The following TRPV6 variants were observed in gnomAD, a reference collection of about 807,000 sequenced individuals.
TRPV6 encodes Alu-binding protein with zinc finger domain.
In TRPV6, 39 loss-of-function variants were observed where a neutral mutation model predicts 79.0. That is an observed-to-expected ratio of 0.49 (90% CI 0.38 to 0.64). The LOEUF (loss-of-function observed/expected upper bound fraction) is 0.64, where lower values mean the gene tolerates loss of function less well. TRPV6 is among the 30% of genes least tolerant of loss of function. The pLI, the probability that TRPV6 is intolerant of heterozygous loss-of-function variation, is 0.00. For synonymous variants in TRPV6, 373 were observed against 391.9 expected (o/e 0.95, Z 0.57); for missense variants, 813 against 1,011.1 (o/e 0.80, Z 2.66).
chr7:142,871,664 G>A lies in TRPV6; in HGVS notation c.*43C>T. ...TTTTTGTTTTGTTTGATGCACCCAG[G>A]AAAATGAGAGCAAGTTCCAGGAAGC... On this transcript the variant is annotated 3_prime_UTR_variant, in exon 15 of 15. Transcript: ENST00000359396. 1 of 1,544,990 alleles carries A rather than the reference G, an allele frequency of 6.5e-7. No individual in the cohort carries two copies. The highest frequency in any genetic ancestry group is 8.7e-7 in the Non-Finnish European group (1 of 1,143,626).
intron 1 of TRPV6, 63 bp from the exon 2 acceptor site, chr7:142,878,089 CCCTGGCTTGACTCCATTATTAT>C (rs1184565672): frequency 2.1e-5 from 29 of 1,413,500 alleles, no homozygotes; most frequent in Admixed American, 3.4e-5. Flanking sequence ...GAGGGAGAGG[CCCTGGCTTGACTCCATTATTAT>C]ACACAGATGT....
intron 14 of TRPV6, among the ~76,000 whole-genome samples, 153 bp downstream of exon 14, chr7:142,872,219 G>T (rs527832950): frequency 5.9e-5 from 9 of 152,174 alleles, no homozygotes; most frequent in Non-Finnish European, 1.2e-4. Flanking sequence ...AGCTCCAAAC[G>T]GGACCCCTTC....
In TRPV6 at chr7:142,877,274, T is replaced by C; in HGVS notation, c.475A>G (p.Thr159Ala). ...TTCACAACAGCGATGTGCAGTGCAG[T>C]CTGACCTGGCCCAGAGACAGCTGTC... Residue 159 changes from threonine (T) to alanine (A), a missense_variant, in exon 4 of 15, where the codon ACT becomes GCT. Coordinates refer to ENST00000359396, the MANE Select transcript of TRPV6 (RefSeq NM_018646.6). The C allele has an allele frequency of 6.2e-7, 1 of 1,613,926 alleles. No individual in the cohort carries two copies. The highest frequency in any genetic ancestry group is 2.2e-5 in the East Asian group (1 of 44,848).
chr7:142,871,639 TTTTTG>T lies in TRPV6; in HGVS notation c.*63_*67del. 1.3e-6 allele frequency: 2 copies of T among 1,526,390 alleles called. No individual in the cohort carries two copies. Among genetic ancestry groups the T allele is most frequent in the Admixed American group, 2.0e-5 (1 of 48,794 alleles). The allele number at this position is 1,526,390 out of a possible 1,614,324, so 94.6% of individuals were successfully genotyped here. A position where few individuals can be genotyped will look rare whatever the true frequency, so the allele number is the denominator to read the frequency against. On this transcript the variant is annotated 3_prime_UTR_variant, in exon 15 of 15. Transcript: ENST00000359396. ...GGAGATGAGACCTCTGGGTGTTTGGTTTTTGTTTTGTTTGATGCACCCAGGAAAAT... is the reference window on the plus strand; with the variant it reads ...GGAGATGAGACCTCTGGGTGTTTGGTTTTTGTTTGATGCACCCAGGAAAAT...
At chr7:142,884,636 G>A (rs1209274666) in intron 1 of TRPV6, 1 of 152,236 alleles carries the variant, frequency 6.6e-6, no homozygotes, top group Non-Finnish European at 1.5e-5. Flanking sequence ...GGGGCTGGAA[G>A]CCACCAGTGA....
At chr7:142,876,123 C>T (rs1000751247) in intron 6 of TRPV6, 15 of 669,120 alleles carry the variant, frequency 2.2e-5, no homozygotes, top group African/African-American at 5.4e-5. Flanking sequence ...AAAGGAGAGA[C>T]GAGAGGCTGG....
chr7:142,885,541 G>C lies in TRPV6; in HGVS notation c.96C>G (p.Ala32=). 10 of 1,588,500 alleles carry C rather than the reference G, an allele frequency of 6.3e-6. No individual in the cohort carries two copies. The highest frequency in any genetic ancestry group is 8.6e-6 in the Non-Finnish European group (10 of 1,165,794). ...TGGGGTGTAGGGCCGGCTCCTTGGG[G>C]GCCTGAGGCCGAGGCCAGACCCTGA... The change falls in exon 1 of 15, where the codon GCC becomes GCG. Residue 32 remains alanine, a synonymous_variant. Transcript: ENST00000359396.
chr7:142,880,823 C>T (rs959685516), intron 1 of TRPV6: 2 of 152,260 alleles, frequency 1.3e-5, no homozygotes, highest in East Asian at 1.9e-4. Context: ...AAGTATGTCA[C>T]GTGCAATATT....
chr7:142,881,023 G>GT (rs1435586356), intron 1 of TRPV6: 1 of 152,178 alleles, frequency 6.6e-6, no homozygotes, highest in African/African-American at 2.4e-5. Context: ...AAAAAGGGGG[G>GT]CCCAGCCTGT....
In TRPV6 at chr7:142,871,328, C is replaced by T. The variant is rs201772078; in HGVS notation, c.*379G>A. On this transcript the variant is annotated 3_prime_UTR_variant, in exon 15 of 15. Transcript: ENST00000359396. Reference sequence around the variant, plus strand: ...TTTCCACAAGCTCTGCACTTCCCTGCACCTGCCTGGGTGCCCTGGGAAGGG... The same window carrying T: ...TTTCCACAAGCTCTGCACTTCCCTGTACCTGCCTGGGTGCCCTGGGAAGGG... 8.4e-4 allele frequency: 383 copies of T among 453,884 alleles called. 1 individual carries two copies. The highest frequency in any genetic ancestry group is 1.8e-3 in the Middle Eastern group (3 of 1,642). The allele number at this position is 453,884 out of a possible 1,614,324, so 28.1% of individuals were successfully genotyped here. A position where few individuals can be genotyped will look rare whatever the true frequency, so the allele number is the denominator to read the frequency against.
intron 8 of TRPV6, 73 bp from the exon 9 acceptor site, chr7:142,875,237 G>T (rs911024421): frequency 6.5e-7 from 1 of 1,548,350 alleles, no homozygotes; most frequent in African/African-American, 1.4e-5. Flanking sequence ...TGGTGCCCAG[G>T]GTCACCAGTC....
Position 142,874,550 on chromosome 7 carries a change from C to T in TRPV6, c.1513G>A (p.Val505Ile), listed in dbSNP as rs369658985. 26 of 1,614,072 alleles carry T rather than the reference C, an allele frequency of 1.6e-5. No individual in the cohort carries two copies. The highest frequency in any genetic ancestry group is 1.0e-4 in the Admixed American group (6 of 60,016). ...TGGAATCCTCGGGCGAAGTACATGA[C>T]GTTGCACCAGCCCAGCACGAGTGCA... The change falls in exon 11 of 15, where the codon GTC (valine) becomes ATC (isoleucine). Residue 505 changes from valine to isoleucine, a missense_variant. Physicochemically the swap from Val to Ile is conservative, Grantham distance 29. This residue lies in a region of TRPV6 where 94 missense variants were observed against 194.0 expected (regional missense o/e 0.48). Coordinates refer to ENST00000359396, the MANE Select transcript of TRPV6 (RefSeq NM_018646.6).
rs138018767 is a variant in TRPV6, at chr7:142,877,644, C to T, written c.469+7G>A. 3 of 1,613,742 alleles carry T rather than the reference C, an allele frequency of 1.9e-6. No individual in the cohort carries two copies. Among genetic ancestry groups the T allele is most frequent in the South Asian group, 1.1e-5 (1 of 91,028 alleles). ...CTGCTCTTCACCCCAGACCCGTGGG[C>T]CCTCACCCTCATAGAGCTCAGATGT... On this transcript the variant is annotated splice_region_variant and intron_variant, in intron 3 of 14. Transcript: ENST00000359396.
In TRPV6 at chr7:142,875,540, G is replaced by T. The variant is rs781417795; in HGVS notation, c.1170C>A (p.Arg390=). 5.6e-6 allele frequency: 9 copies of T among 1,612,342 alleles called. No homozygotes were observed. The African/African-American group carries it at 1.1e-4, about 19-fold the overall frequency. ...GGTTATTGGTCCTGGGCTTGAGGGG[G>T]CGGTAGATGCAGCACATGGTGAAGC... Residue 390 remains arginine, a synonymous_variant, in exon 8 of 15, where the codon CGC becomes CGA. Transcript: ENST00000359396.
At chr7:142,874,212 AG>A in intron 11 of TRPV6, 70 bp from the exon 12 acceptor site, 1 of 1,527,876 alleles carries the variant, frequency 6.5e-7, no homozygotes, top group South Asian at 1.2e-5. Flanking sequence ...AGCCTCTAAC[AG>A]GTCTCACCCC....
intron 1 of TRPV6, chr7:142,884,130 A>G (rs1009247849): frequency 2.0e-5 from 3 of 151,530 alleles, no homozygotes; most frequent in African/African-American, 7.4e-5. Context: ...GCCAGTGAGG[A>G]CGACCTACTC....
rs919016581 is a variant in TRPV6 at position 142,871,282 on chromosome 7, C to T, written c.*425G>A. On this transcript the variant is annotated 3_prime_UTR_variant, in exon 15 of 15. Coordinates refer to ENST00000359396, the MANE Select transcript of TRPV6 (RefSeq NM_018646.6). ...CCACTTCCCACCCCCAGAGCCGTTCCTGTCTCCCTCACTCACACGCTTTCC... is the reference window on the plus strand; with the variant it reads ...CCACTTCCCACCCCCAGAGCCGTTCTTGTCTCCCTCACTCACACGCTTTCC... 2 of 482,284 alleles carry T rather than the reference C, an allele frequency of 4.1e-6. No homozygotes were observed. The highest frequency in any genetic ancestry group is 3.9e-5 in the African/African-American group (2 of 51,878). 29.9% of individuals were successfully genotyped at this position (482,284 alleles called of 1,614,324 possible).
At position 142,873,785 on chromosome 7, in the gene TRPV6, C is replaced by T. The variant is rs924289368; in HGVS notation, c.1640-69G>A. On this transcript the variant is annotated intron_variant, in intron 12 of 14. Transcript: ENST00000359396. This position sits in a 1 kb window ranked among gnomAD's most constrained non-coding sequence, Gnocchi z 4.8. Reference sequence around the variant, plus strand: ...GACGACCAGCCCACCCCGGGCTCTGCGTGCATGTCCATCCTGGTCCCTTCA... The same window carrying T: ...GACGACCAGCCCACCCCGGGCTCTGTGTGCATGTCCATCCTGGTCCCTTCA... The T allele has an allele frequency of 1.7e-5, 27 of 1,589,956 alleles. No homozygotes were observed. The highest frequency in any genetic ancestry group is 1.3e-4 in the African/African-American group (10 of 74,414).
chr7:142,885,520 G>T lies in TRPV6; in HGVS notation c.117C>A (p.His39Gln). Residue 39 changes from histidine to glutamine, a missense_variant, in exon 1 of 15, where the codon CAC becomes CAA. By Grantham distance (24) the His-to-Gln change is conservative. Transcript: ENST00000359396. ...CCTTGGGCAGTGACAAACCCATGGG[G>T]TGTAGGGCCGGCTCCTTGGGGGCCT... 1 of 1,605,660 alleles carries T rather than the reference G, an allele frequency of 6.2e-7. No individual in the cohort carries two copies. The highest frequency in any genetic ancestry group is 1.7e-5 in the Admixed American group (1 of 59,290).
Sources: gnomAD v4.1 joint callset for allele counts (sites outside exome capture counted in the v4.1 genomes callset) on GRCh38, gnomAD v4.1.1 for gene constraint, gnomAD v4.1.1 regional missense constraint, Gnocchi (gnomAD v3.1) non-coding constraint, MANE v1.5 for transcripts, NCBI Gene and HGNC (gene_info 2026-07-23, HGNC 2026-07-21) for gene names.